Variants in CRACR2A observed in about 807,000 individuals in gnomAD.
CRACR2A encodes the protein EF-hand calcium-binding domain-containing protein 4B.
In CRACR2A, 79 loss-of-function variants were observed where a neutral mutation model predicts 90.5. The observed-to-expected ratio is 0.87, with a 90% confidence interval of 0.73 to 1.05. The LOEUF (loss-of-function observed/expected upper bound fraction) is 1.05. CRACR2A is among the 50% of genes least tolerant of loss of function. CRACR2A has a pLI of 0.00. For missense variants in CRACR2A, 823 were observed against 897.2 expected, an observed-to-expected ratio of 0.92 and a Z score of 1.06; for synonymous variants, 338 against 356.7, an observed-to-expected ratio of 0.95 and a Z score of 0.59.
chr12:3,707,219 C>T (rs1221070907), intron 3 of CRACR2A, among the ~76,000 whole-genome samples: 1 of 152,170 alleles, frequency 6.6e-6, no homozygotes, highest in Non-Finnish European at 1.5e-5. Context: ...TAGCTTCTGC[C>T]ATGCTCTATC....
chr12:3,670,039 C>A, intron 7 of CRACR2A, among the ~76,000 whole-genome samples: 1 of 152,228 alleles, frequency 6.6e-6, no homozygotes, highest in East Asian at 1.9e-4. Context: ...TGCAGAATTT[C>A]CAGGCATCTA....
intron 3 of CRACR2A, 97 bp downstream of exon 3, chr12:3,713,140 C>T (rs1946030355): frequency 4.5e-6 from 2 of 446,068 alleles, no homozygotes; most frequent in Non-Finnish European, 5.9e-6. Flanking sequence ...TAAAAAACAG[C>T]TACAATAGTG....
At chr12:3,751,149 C>A (rs188819205) in intron 1 of CRACR2A, among the ~76,000 whole-genome samples, 3 of 152,316 alleles carry the variant, frequency 2.0e-5, no homozygotes, top group African/African-American at 7.2e-5. Flanking sequence ...TCAGTTTCCT[C>A]CTCTACAATA....
chr12:3,665,776 C>G (rs1945123127), intron 7 of CRACR2A, among the ~76,000 whole-genome samples: 1 of 152,174 alleles, frequency 6.6e-6, no homozygotes, highest in Non-Finnish European at 1.5e-5. Context: ...CCTGACGAGG[C>G]TCAATAGAGA....
intron 11 of CRACR2A, chr12:3,647,914 TGAG>T: frequency 4.1e-6 from 4 of 985,478 alleles, no homozygotes; most frequent in Non-Finnish European, 4.8e-6. Context: ...TTTGTCTTTC[TGAG>T]GAGGGGAGGG....
At chr12:3,741,117 C>A (rs1946518223) in intron 1 of CRACR2A, among the ~76,000 whole-genome samples, 3 of 152,202 alleles carry the variant, frequency 2.0e-5, no homozygotes, top group African/African-American at 7.2e-5. Flanking sequence ...TTAAAAGTAA[C>A]AAAGCCTCAT....
intron 1 of CRACR2A, among the ~76,000 whole-genome samples, chr12:3,740,494 C>A (rs1400243656): frequency 6.6e-6 from 1 of 152,150 alleles, no homozygotes; most frequent in Admixed American, 6.5e-5. Context: ...CACTTAACCC[C>A]TCTTATTTTA....
Position 3,732,963 on chromosome 12 carries a change from GC to G in CRACR2A, c.-140del, listed in dbSNP as rs1020797423. 1.3e-5 allele frequency: 2 copies of G among 152,296 alleles called. No individual in the cohort carries two copies. Among genetic ancestry groups the G allele is most frequent in the African/African-American group, 4.8e-5 (2 of 41,456 alleles). The allele number at this position is 152,296 out of a possible 1,614,324, so 9.4% of individuals were successfully genotyped here. A position where few individuals can be genotyped will look rare whatever the true frequency, so the allele number is the denominator to read the frequency against. ...TTACCATCAGCAAGACTCCTGTGCA[GC>G]CACACACCTGGCAGGAGAGGAGGCA... On this transcript the variant is annotated 5_prime_UTR_variant, in exon 2 of 20. An upstream open reading frame in the 5' UTR gains an earlier in-frame stop. Transcript: ENST00000440314.
intron 5 of CRACR2A, among the ~76,000 whole-genome samples, chr12:3,679,570 G>GT (rs762008882): frequency 4.6e-5 from 7 of 152,164 alleles, no homozygotes; most frequent in Non-Finnish European, 1.0e-4. Flanking sequence ...ACTGTCCAGT[G>GT]TTACAGCAGT....
At chr12:3,737,385 GT>G (rs1946463362) in intron 1 of CRACR2A, among the ~76,000 whole-genome samples, 1 of 152,194 alleles carries the variant, frequency 6.6e-6, no homozygotes, top group African/African-American at 2.4e-5. Context: ...TGATGGGCAG[GT>G]TAGAGATTTG....
At chr12:3,619,738 GCA>G (rs1200295570) in intron 17 of CRACR2A, among the ~76,000 whole-genome samples, 1 of 152,234 alleles carries the variant, frequency 6.6e-6, no homozygotes, top group Non-Finnish European at 1.5e-5. Flanking sequence ...AGAGCTTACA[GCA>G]CCCTGAGGGC....
At chr12:3,666,379 A>G (rs954567634) in intron 7 of CRACR2A, among the ~76,000 whole-genome samples, 138 of 118,382 alleles carry the variant, frequency 1.2e-3, no homozygotes, top group African/African-American at 4.2e-3. Context: ...GTGCGCGCGC[A>G]CGCGCGCACA....
chr12:3,729,238 G>A (rs12367194), intron 2 of CRACR2A: 17,181 of 152,252 alleles, frequency 0.11, 1,123 homozygotes, highest in Middle Eastern at 0.2. Context: ...AGGAACAGCC[G>A]TCACGTTAGT....
chr12:3,646,802 T>C (rs1341126069), intron 11 of CRACR2A, among the ~76,000 whole-genome samples: 1 of 152,208 alleles, frequency 6.6e-6, no homozygotes, highest in Admixed American at 6.5e-5. Context: ...GCTTTGTGGC[T>C]TCCTGCTTTA....
At chr12:3,663,573 C>G (rs1945077283) in intron 7 of CRACR2A, among the ~76,000 whole-genome samples, 2 of 152,206 alleles carry the variant, frequency 1.3e-5, no homozygotes, top group Non-Finnish European at 2.9e-5. Context: ...CTTCCTCCAA[C>G]TGTGTCTCAC....
At chr12:3,673,324 T>G (rs1945283336) in intron 7 of CRACR2A, 122 bp downstream of exon 7, 1 of 1,250,942 alleles carries the variant, frequency 8.0e-7, no homozygotes. Flanking sequence ...TGGTCCCCAC[T>G]TTGGCAGACA....
chr12:3,618,016 G>T (rs1338668575), intron 18 of CRACR2A, among the ~76,000 whole-genome samples: 1 of 152,142 alleles, frequency 6.6e-6, no homozygotes, highest in Non-Finnish European at 1.5e-5. Context: ...AGTTCCATGG[G>T]GTGGGAATAG....
intron 1 of CRACR2A, among the ~76,000 whole-genome samples, chr12:3,745,951 C>T (rs1168560335): frequency 2.0e-5 from 3 of 151,990 alleles, no homozygotes; most frequent in Non-Finnish European, 2.9e-5. Context: ...TCTCTCATCT[C>T]CCTCCCGCTG....
intron 3 of CRACR2A, among the ~76,000 whole-genome samples, chr12:3,707,821 T>G (rs1217028797): frequency 2.0e-5 from 3 of 152,210 alleles, no homozygotes; most frequent in Non-Finnish European, 4.4e-5. Flanking sequence ...ATAACATCCT[T>G]TCTTATCGTT....
Sources: allele counts gnomAD v4.1 joint callset (sites outside exome capture counted in the v4.1 genomes callset), GRCh38; gene constraint gnomAD v4.1.1; transcripts MANE v1.5; gene names NCBI Gene and HGNC (gene_info 2026-07-23, HGNC 2026-07-21).